DTNB: variants seen among roughly 807,000 people sequenced by gnomAD.
The protein encoded by DTNB is DTN-B.
In DTNB, 63 loss-of-function variants were observed where a neutral mutation model predicts 90.7. That is an observed-to-expected ratio of 0.69 (90% CI 0.57 to 0.86). The LOEUF is 0.86. Among genes scored for constraint, DTNB ranks in the 40% least tolerant of loss-of-function variants. DTNB has a pLI of 0.00. For missense variants in DTNB, 744 were observed against 807.1 expected (o/e 0.92, Z 0.95); for synonymous variants, 277 against 286.7 (o/e 0.97, Z 0.34).
intron 9 of DTNB, among the ~76,000 whole-genome samples, chr2:25,483,274 A>C (rs770244287): frequency 2.5e-4 from 38 of 152,204 alleles, no homozygotes; most frequent in Non-Finnish European, 4.7e-4. Flanking sequence ...GAATTTCTCT[A>C]CATTTTACGT....
chr2:25,503,040 C>T (rs1361601669), intron 9 of DTNB, among the ~76,000 whole-genome samples: 1 of 92,758 alleles, frequency 1.1e-5, no homozygotes, highest in Non-Finnish European at 2.0e-5. Context: ...AGTGACAGAG[C>T]AAGACCCTAT....
chr2:25,656,295 AG>A (rs2082055098), intron 1 of DTNB, among the ~76,000 whole-genome samples: 1 of 152,240 alleles, frequency 6.6e-6, no homozygotes, highest in Admixed American at 6.5e-5. Flanking sequence ...ACTCCATGCC[AG>A]TGCTTTAAGT....
chr2:25,420,256 C>G (rs1273721425), intron 15 of DTNB, among the ~76,000 whole-genome samples: 1 of 146,236 alleles, frequency 6.8e-6, no homozygotes, highest in African/African-American at 2.5e-5. Flanking sequence ...TGCTTTCAGG[C>G]ACAGTCTTTT....
intron 3 of DTNB, among the ~76,000 whole-genome samples, chr2:25,630,681 C>A (rs1044656155): frequency 1.3e-5 from 2 of 151,794 alleles, no homozygotes; most frequent in Admixed American, 1.3e-4. Context: ...CCCATCTCTA[C>A]TAAAAATACA....
At chr2:25,572,681 A>C (rs1225431835) in intron 8 of DTNB, among the ~76,000 whole-genome samples, 1 of 149,792 alleles carries the variant, frequency 6.7e-6, no homozygotes, top group Non-Finnish European at 1.5e-5. Context: ...TTTAAATAGT[A>C]GTTTTATAGC....
intron 2 of DTNB, chr2:25,650,142 A>G: frequency 1.0e-6 from 1 of 985,474 alleles, no homozygotes; most frequent in Non-Finnish European, 1.2e-6. Context: ...GGACTACTTC[A>G]GATCTCTACC....
intron 8 of DTNB, among the ~76,000 whole-genome samples, chr2:25,549,991 G>A (rs759564424): frequency 6.6e-6 from 1 of 152,030 alleles, no homozygotes; most frequent in Non-Finnish European, 1.5e-5. Flanking sequence ...TTCCAGCAAA[G>A]TCCTTAAAGT....
At chr2:25,386,533 C>T (rs541067978) in intron 18 of DTNB, among the ~76,000 whole-genome samples, 3 of 152,302 alleles carry the variant, frequency 2.0e-5, no homozygotes, top group South Asian at 2.1e-4. Context: ...GAGACCCCAC[C>T]GCTGTGAAAT....
Position 25,536,038 on chromosome 2 carries a change from G to GGCAGAGGT in DTNB, c.877-4449_877-4442dup, listed in dbSNP as rs140788286. The stretch of plus-strand genomic sequence containing the variant: ...CCTCACCTCCCATTCGGGGCAGCCG[G>GGCAGAGGT]GCAGAGGTGCTCCCCACTTCCTCCC... On this transcript the variant is annotated intron_variant, in intron 8 of 20. Transcript: ENST00000406818. Among the ~76,000 whole-genome samples the GGCAGAGGT allele has an allele frequency of 7.5e-3, 1,115 of 148,524 alleles. 19 individuals are homozygous for GGCAGAGGT. Among genetic ancestry groups the GGCAGAGGT allele is most frequent in the African/African-American group, 0.027 (1,058 of 39,752 alleles).
intron 1 of DTNB, among the ~76,000 whole-genome samples, chr2:25,666,059 C>T (rs1264880898): frequency 2.0e-5 from 3 of 152,124 alleles, no homozygotes; most frequent in African/African-American, 4.8e-5. Flanking sequence ...AGTGAAGTTA[C>T]GATGATATTT....
In DTNB at chr2:25,607,229, T is replaced by C; in HGVS notation, c.448+7A>G. The C allele has an allele frequency of 6.3e-7, 1 of 1,586,124 alleles. No homozygotes were observed. The highest frequency in any genetic ancestry group is 1.2e-5 in the South Asian group (1 of 85,920). On this transcript the variant is annotated splice_region_variant and intron_variant, in intron 5 of 20. Coordinates refer to ENST00000406818, the MANE Select transcript of DTNB (RefSeq NM_021907.5). ...TGGCATTTTTCAAATAATATGAAAA[T>C]ACTTACATCTCAATTTGTCCAGCAT...
intron 3 of DTNB, among the ~76,000 whole-genome samples, chr2:25,629,312 A>G (rs1163749805): frequency 6.6e-6 from 1 of 152,220 alleles, no homozygotes; most frequent in African/African-American, 2.4e-5. Context: ...ACGCTGAAAA[A>G]CTAGGGGAAG....
At chr2:25,661,818 G>A (rs2083231309) in intron 1 of DTNB, among the ~76,000 whole-genome samples, 1 of 152,156 alleles carries the variant, frequency 6.6e-6, no homozygotes, top group African/African-American at 2.4e-5. Context: ...TATTGCTGGT[G>A]AAAGCATAAA....
At chr2:25,655,682 T>C (rs1166137394) in intron 1 of DTNB, among the ~76,000 whole-genome samples, 1 of 152,152 alleles carries the variant, frequency 6.6e-6, no homozygotes, top group Non-Finnish European at 1.5e-5. Flanking sequence ...GGAAATAAAT[T>C]GAAAATCCCG....
chr2:25,452,334 ATGGGATGCTGAT>A (rs567188575), intron 11 of DTNB, among the ~76,000 whole-genome samples: 133 of 152,350 alleles, frequency 8.7e-4, no homozygotes, highest in African/African-American at 3.1e-3. Context: ...GGCTCTGCAT[ATGGGATGCTGAT>A]ATGGAACTTC....
intron 6 of DTNB, among the ~76,000 whole-genome samples, chr2:25,591,087 G>C (rs752571405): frequency 6.6e-6 from 1 of 152,232 alleles, no homozygotes; most frequent in Non-Finnish European, 1.5e-5. Context: ...CCCGAGCTCG[G>C]CCTCAGCCTC....
chr2:25,437,520 C>A (rs987186376), intron 12 of DTNB, among the ~76,000 whole-genome samples: 3 of 152,134 alleles, frequency 2.0e-5, no homozygotes, highest in Non-Finnish European at 4.4e-5. Flanking sequence ...CCTCGGCCTT[C>A]CCGAGTGCTG....
chr2:25,576,327 G>C (rs2060676793), intron 8 of DTNB, among the ~76,000 whole-genome samples: 1 of 145,856 alleles, frequency 6.9e-6, no homozygotes, highest in South Asian at 2.2e-4. Context: ...CCGGGTTCAC[G>C]CCATTCTCCT....
At chr2:25,447,997 C>T (rs992637610) in intron 12 of DTNB, among the ~76,000 whole-genome samples, 1 of 152,112 alleles carries the variant, frequency 6.6e-6, no homozygotes, top group Non-Finnish European at 1.5e-5. Context: ...AGCTCTTGGC[C>T]TGCTTTGGTT....
Sources: allele counts gnomAD v4.1 joint callset (sites outside exome capture counted in the v4.1 genomes callset), GRCh38; gene constraint gnomAD v4.1.1; transcripts MANE v1.5; gene names NCBI Gene and HGNC (gene_info 2026-07-23, HGNC 2026-07-21).